CFAP299: variants seen among roughly 807,000 people sequenced by gnomAD.
CFAP299 encodes the protein cilia and flagella associated protein 299.
Under a neutral mutation model 27.0 loss-of-function variants are expected in CFAP299, and 21 were observed. The observed-to-expected ratio is 0.78, with a 90% CI of 0.55 to 1.12. CFAP299 has a LOEUF of 1.12. Ranked by LOEUF, CFAP299 falls within the 50% of genes most tolerant of loss-of-function variation. The probability of loss-of-function intolerance (pLI) is 0.00; values close to 1 mark genes in which losing one functional copy is unlikely to be tolerated. For synonymous variants in CFAP299, 104 were observed against 98.1 expected, an observed-to-expected ratio of 1.06 and a Z score of -0.36; for missense variants, 310 against 276.6, an observed-to-expected ratio of 1.12 and a Z score of -0.86.
intron 3 of CFAP299, among the ~76,000 whole-genome samples, chr4:80,611,175 T>C (rs554134057): frequency 6.6e-6 from 1 of 152,178 alleles, no homozygotes; most frequent in East Asian, 1.9e-4. Context: ...CAGTAATAAA[T>C]GTTCTCAGTG....
chr4:80,832,340 T>G (rs957420097), intron 3 of CFAP299, among the ~76,000 whole-genome samples: 2 of 152,142 alleles, frequency 1.3e-5, no homozygotes, highest in Non-Finnish European at 2.9e-5. Flanking sequence ...TCTTTAACTA[T>G]TTCTTTCTCA....
chr4:80,911,175 C>A (rs1735452550), intron 4 of CFAP299, among the ~76,000 whole-genome samples: 2 of 149,206 alleles, frequency 1.3e-5, no homozygotes, highest in African/African-American at 2.5e-5. Flanking sequence ...TGTCCCTGGG[C>A]TGTTCCTTTA....
chr4:80,662,236 G>T (rs538781918), intron 3 of CFAP299, among the ~76,000 whole-genome samples: 25 of 152,126 alleles, frequency 1.6e-4, no homozygotes, highest in Admixed American at 1.1e-3. Context: ...ATAAAAATTT[G>T]CTGGTTTTAC....
intron 3 of CFAP299, among the ~76,000 whole-genome samples, chr4:80,849,136 T>A (rs1167904738): frequency 1.3e-5 from 2 of 152,198 alleles, no homozygotes; most frequent in African/African-American, 4.8e-5. Flanking sequence ...ATAAAATATT[T>A]GTCTTTATAT....
intron 2 of CFAP299, among the ~76,000 whole-genome samples, chr4:80,380,433 T>TA (rs1457213817): frequency 2.8e-4 from 41 of 146,800 alleles, no homozygotes; most frequent in Non-Finnish European, 4.5e-5. Flanking sequence ...TTTTTTTTTT[T>TA]TTTTTTTTTT....
intron 3 of CFAP299, among the ~76,000 whole-genome samples, chr4:80,760,582 T>C (rs1721855118): frequency 6.6e-6 from 1 of 152,208 alleles, no homozygotes; most frequent in African/African-American, 2.4e-5. Flanking sequence ...CACTGCTATT[T>C]TTAAAGATCA....
intron 2 of CFAP299, among the ~76,000 whole-genome samples, chr4:80,523,692 A>G (rs1448488784): frequency 6.6e-6 from 1 of 152,120 alleles, no homozygotes; most frequent in African/African-American, 2.4e-5. Flanking sequence ...AAATATTAAC[A>G]TCCGTATTCT....
intron 3 of CFAP299, among the ~76,000 whole-genome samples, chr4:80,715,690 G>A (rs781232708): frequency 7.1e-4 from 108 of 152,036 alleles, no homozygotes; most frequent in Middle Eastern, 6.8e-3. Flanking sequence ...TAAAATGTAC[G>A]TTTTTCTTTT....
chr4:80,378,937 A>G (rs188137676), intron 2 of CFAP299, among the ~76,000 whole-genome samples: 101 of 151,826 alleles, frequency 6.7e-4, no homozygotes, highest in African/African-American at 2.2e-3. Flanking sequence ...CTGATTTTCT[A>G]TCAGTGTAAT....
At chr4:80,726,791 A>T (rs1009343709) in intron 3 of CFAP299, among the ~76,000 whole-genome samples, 3 of 152,216 alleles carry the variant, frequency 2.0e-5, no homozygotes, top group Non-Finnish European at 4.4e-5. Context: ...ATTTAAATTA[A>T]ATCTGATATT....
chr4:80,871,576 C>A (rs531927573), intron 4 of CFAP299: 3 of 985,404 alleles, frequency 3.0e-6, no homozygotes, highest in East Asian at 2.3e-4. Context: ...AATGGCATCA[C>A]CCTTGAAACC....
At chr4:80,771,846 C>T (rs1726234174) in intron 3 of CFAP299, among the ~76,000 whole-genome samples, 1 of 152,182 alleles carries the variant, frequency 6.6e-6, no homozygotes, top group African/African-American at 2.4e-5. Flanking sequence ...TTTCCTCTTA[C>T]ATCCCATTTT....
At chr4:80,608,818 G>A (rs1199194254) in intron 3 of CFAP299, among the ~76,000 whole-genome samples, 1 of 151,476 alleles carries the variant, frequency 6.6e-6, no homozygotes, top group Non-Finnish European at 1.5e-5. Flanking sequence ...GTCAGAAATG[G>A]GTTAGAATTC....
At chr4:80,616,379 T>C (rs1242075819) in intron 3 of CFAP299, among the ~76,000 whole-genome samples, 2 of 152,038 alleles carry the variant, frequency 1.3e-5, no homozygotes, top group Non-Finnish European at 2.9e-5. Flanking sequence ...TATACACGCG[T>C]GTACTTTTAT....
At chr4:80,741,946 C>G (rs891883548) in intron 3 of CFAP299, among the ~76,000 whole-genome samples, 5 of 152,122 alleles carry the variant, frequency 3.3e-5, no homozygotes, top group Admixed American at 2.0e-4. Context: ...GAGCCCAGAA[C>G]AGCTTTATTC....
chr4:80,606,268 GGC>G (rs775463364), intron 3 of CFAP299, among the ~76,000 whole-genome samples: 31 of 152,178 alleles, frequency 2.0e-4, no homozygotes, highest in Non-Finnish European at 1.6e-4. Context: ...TGGGCGTGGT[GGC>G]TCACGCTTGT....
chr4:80,439,347 C>G (rs538017900), intron 2 of CFAP299, among the ~76,000 whole-genome samples: 1 of 152,246 alleles, frequency 6.6e-6, no homozygotes, highest in South Asian at 2.1e-4. Flanking sequence ...ACTGAGGTAC[C>G]AAGCTCATCT....
At chr4:80,771,211 C>T (rs1726196862) in intron 3 of CFAP299, among the ~76,000 whole-genome samples, 1 of 152,120 alleles carries the variant, frequency 6.6e-6, no homozygotes, top group Non-Finnish European at 1.5e-5. Flanking sequence ...ACTCTATACC[C>T]CCACTTCCTA....
At chr4:80,576,972 G>A (rs1466099681) in intron 2 of CFAP299, among the ~76,000 whole-genome samples, 1 of 152,098 alleles carries the variant, frequency 6.6e-6, no homozygotes, top group Admixed American at 6.6e-5. Context: ...AAGACCAGCC[G>A]ACTCTGATTA....
Sources: gnomAD v4.1 joint callset for allele counts (sites outside exome capture counted in the v4.1 genomes callset) on GRCh38, gnomAD v4.1.1 for gene constraint, MANE v1.5 for transcripts, NCBI Gene and HGNC (gene_info 2026-07-23, HGNC 2026-07-21) for gene names.